Variants in G3BP1 observed in about 807,000 individuals in gnomAD.
G3BP1 encodes the protein G3BP stress granule assembly factor 1, also known as ras GTPase-activating protein-binding protein 1.
In G3BP1, 35 loss-of-function variants were observed where a neutral mutation model predicts 58.6. The ratio of observed to expected loss-of-function variants is 0.60; its 90% CI spans 0.46 to 0.79. The LOEUF (loss-of-function observed/expected upper bound fraction) is 0.79. G3BP1 is among the 30% of genes least tolerant of loss of function. The pLI, the probability that G3BP1 is intolerant of heterozygous loss-of-function variation, is 0.00. For synonymous variants in G3BP1, 191 were observed against 195.4 expected, an observed-to-expected ratio of 0.98 and a Z score of 0.19; for missense variants, 523 against 580.8, an observed-to-expected ratio of 0.90 and a Z score of 1.02.
At chr5:151,775,716 G>A (rs1326353205) in intron 1 of G3BP1, among the ~76,000 whole-genome samples, 1 of 152,224 alleles carries the variant, frequency 6.6e-6, no homozygotes, top group Non-Finnish European at 1.5e-5. Flanking sequence ...AGTATTAACT[G>A]TAACATATCT....
chr5:151,795,810 C>A (rs1762739221), intron 6 of G3BP1, among the ~76,000 whole-genome samples: 2 of 151,980 alleles, frequency 1.3e-5, no homozygotes, highest in Non-Finnish European at 2.9e-5. Flanking sequence ...GTATCAGTTT[C>A]TTTTTGGTTT....
intron 2 of G3BP1, chr5:151,787,264 T>G (rs996586585): frequency 6.6e-6 from 1 of 152,382 alleles, no homozygotes; most frequent in African/African-American, 2.4e-5. Flanking sequence ...TTACTAAGAA[T>G]GTATTAAAGA....
chr5:151,774,462 GTTAAA>G (rs1762331412), intron 1 of G3BP1, among the ~76,000 whole-genome samples: 1 of 151,754 alleles, frequency 6.6e-6, no homozygotes, highest in African/African-American at 2.4e-5. Flanking sequence ...TGGGGCTAGT[GTTAAA>G]AGATAAAATT....
chr5:151,800,890 ATTT>A (rs200261823), intron 11 of G3BP1, 21 bp downstream of exon 11: 959 of 834,702 alleles, frequency 1.1e-3, no homozygotes, highest in South Asian at 2.1e-3. Flanking sequence ...TTTTGTCTTG[ATTT>A]TTTTTTTTTT....
At chr5:151,774,106 T>C (rs1274311577) in intron 1 of G3BP1, among the ~76,000 whole-genome samples, 1 of 152,226 alleles carries the variant, frequency 6.6e-6, no homozygotes, top group Non-Finnish European at 1.5e-5. Flanking sequence ...ATTGTGGTAA[T>C]GTAAGGCTTG....
chr5:151,801,133 G>A (rs897638606), intron 11 of G3BP1, among the ~76,000 whole-genome samples: 4 of 152,218 alleles, frequency 2.6e-5, no homozygotes, highest in South Asian at 2.1e-4. Context: ...TGAGATTTAC[G>A]TAACTACCTT....
chr5:151,788,610 GTGTA>G (rs1762594284), intron 2 of G3BP1, among the ~76,000 whole-genome samples: 1 of 146,820 alleles, frequency 6.8e-6, no homozygotes, highest in Admixed American at 6.7e-5. Context: ...GTGTGTGTGT[GTGTA>G]TTATTTATTT....
intron 1 of G3BP1, among the ~76,000 whole-genome samples, chr5:151,777,486 C>T (rs1398741331): frequency 1.3e-5 from 2 of 152,128 alleles, no homozygotes. Flanking sequence ...GGATCTTTTT[C>T]ACATCTTTCC....
chr5:151,800,140 A>G, intron 9 of G3BP1, 78 bp from the exon 10 acceptor site: 1 of 1,416,014 alleles, frequency 7.1e-7, no homozygotes, highest in Non-Finnish European at 9.9e-7. Flanking sequence ...TGTAGAGGGA[A>G]AACTATTGAA....
Position 151,786,702 on chromosome 5 carries a change from G to A in G3BP1, c.82G>A (p.Asp28Asn). 6.2e-7 allele frequency: 1 copy of A among 1,604,710 alleles called. No homozygotes were observed. The highest frequency in any genetic ancestry group is 8.5e-7 in the Non-Finnish European group (1 of 1,171,456). ...QYYTLLNQAP[D>N]MLHRFYGKNS... ...TTACACACTGCTGAACCAGGCCCCA[G>A]ACATGCTGCATAGGTAAGACATTTT... The change falls in exon 2 of 12, where the codon GAC becomes AAC. Residue 28 changes from aspartate to asparagine, a missense_variant. Around this residue, in one of 2 missense-constraint regions of G3BP1, gnomAD observed 398 missense variants for 399.1 expected, o/e 1.00. Transcript: ENST00000356245.
intron 11 of G3BP1, among the ~76,000 whole-genome samples, chr5:151,801,277 CTTCT>C (rs1214265517): frequency 3.3e-5 from 5 of 152,082 alleles, no homozygotes; most frequent in African/African-American, 9.7e-5. Flanking sequence ...TTAAGAGCTT[CTTCT>C]TTAAGTTAAT....
chr5:151,797,133 C>G lies in G3BP1; in HGVS notation c.540-94C>G, dbSNP rs565415050. Reference sequence around the variant, plus strand: ...TTTTGTTTTGGATAGAAGGAGCTAACTCTGTGTTCTGGTTTCTGATTAATA... The same window carrying G: ...TTTTGTTTTGGATAGAAGGAGCTAAGTCTGTGTTCTGGTTTCTGATTAATA... On this transcript the variant is annotated intron_variant, in intron 6 of 11. Transcript: ENST00000356245. The G allele has an allele frequency of 5.4e-5, 66 of 1,223,744 alleles. No individual in the cohort carries two copies. The South Asian group carries it at 8.6e-4, about 16-fold the overall frequency. 75.8% of individuals were successfully genotyped at this position (1,223,744 alleles called of 1,614,324 possible). A position where few individuals can be genotyped will look rare whatever the true frequency, so the allele number is the denominator to read the frequency against.
intron 4 of G3BP1, among the ~76,000 whole-genome samples, chr5:151,793,220 C>T (rs1424330387): frequency 1.3e-5 from 2 of 152,052 alleles, no homozygotes; most frequent in African/African-American, 4.8e-5. Context: ...GCAATCCTCC[C>T]GCCTCAGCCT....
chr5:151,773,405 G>T (rs1762311886), intron 1 of G3BP1, among the ~76,000 whole-genome samples: 1 of 152,184 alleles, frequency 6.6e-6, no homozygotes, highest in Non-Finnish European at 1.5e-5. Context: ...AAAAACAACT[G>T]TGACAGTCGA....
intron 1 of G3BP1, among the ~76,000 whole-genome samples, chr5:151,785,442 T>TAA (rs910562780): frequency 6.6e-6 from 1 of 151,588 alleles, no homozygotes; most frequent in Non-Finnish European, 1.5e-5. Context: ...TACCCCTGTT[T>TAA]AAAAAAAAAC....
rs534292051 is a variant in G3BP1, at chr5:151,803,578, C to T, written c.1195-307C>T. Among the ~76,000 whole-genome samples, 47 of 152,178 alleles carry T rather than the reference C, an allele frequency of 3.1e-4. 1 individual carries two copies. In the South Asian group the frequency reaches 8.9e-3, roughly 29 times the overall value. The stretch of plus-strand genomic sequence containing the variant: ...CGTGATCTTGGCTCACTGCAACCTC[C>T]GCCTCCTGGGTTCAAGCAATTCTCC... On this transcript the variant is annotated intron_variant, in intron 11 of 11. Coordinates refer to ENST00000356245, the MANE Select transcript of G3BP1 (RefSeq NM_005754.3).
intron 11 of G3BP1, among the ~76,000 whole-genome samples, chr5:151,801,603 C>T (rs916929510): frequency 1.3e-5 from 2 of 152,096 alleles, no homozygotes; most frequent in Non-Finnish European, 2.9e-5. Context: ...GCAACCATTA[C>T]CTTTAATTCC....
At position 151,799,987 on chromosome 5, in the gene G3BP1, G is replaced by A; in HGVS notation, c.942G>A (p.Arg314=). Residue 314 remains arginine (R), a synonymous_variant, in exon 9 of 12, where the codon AGG becomes AGA. Coordinates refer to ENST00000356245, the MANE Select transcript of G3BP1 (RefSeq NM_005754.3). ...REQRINIPPQ[R]GPRPIREAGE... ...AACGAATAAATATTCCTCCCCAAAG[G>A]GGACCCAGACCAAGTAAGAGCTCAG... The A allele has an allele frequency of 6.2e-7, 1 of 1,605,092 alleles. No individual in the cohort carries two copies. Among genetic ancestry groups the A allele is most frequent in the African/African-American group, 1.3e-5 (1 of 74,866 alleles).
chr5:151,783,478 G>A (rs1375406564), intron 1 of G3BP1, among the ~76,000 whole-genome samples: 1 of 151,518 alleles, frequency 6.6e-6, no homozygotes, highest in Non-Finnish European at 1.5e-5. Context: ...TGTAATCTTG[G>A]CTCGCTGCAA....
Sources: allele counts gnomAD v4.1 joint callset (sites outside exome capture counted in the v4.1 genomes callset), GRCh38; gene constraint gnomAD v4.1.1; regional missense constraint gnomAD v4.1.1; transcripts MANE v1.5; gene names NCBI Gene and HGNC (gene_info 2026-07-23, HGNC 2026-07-21).